Variants in FAM117A observed in about 807,000 individuals in gnomAD.
FAM117A encodes the protein family with sequence similarity 117 member A, also known as protein FAM117A.
FAM117A carries 21 observed loss-of-function variants against 44.1 expected under a neutral mutation model. The observed-to-expected ratio is 0.48, with a 90% CI of 0.34 to 0.69. FAM117A has a LOEUF of 0.69. Ranked by LOEUF, FAM117A falls within the 30% of genes least tolerant of loss-of-function variation. FAM117A has a pLI of 0.01. For missense variants in FAM117A, 498 were observed against 589.9 expected (o/e 0.84, Z 1.61); for synonymous variants, 220 against 238.3 (o/e 0.92, Z 0.71).
intron 1 of FAM117A, among the ~76,000 whole-genome samples, chr17:49,737,310 A>G (rs2073614749): frequency 6.6e-6 from 1 of 152,224 alleles, no homozygotes; most frequent in African/African-American, 2.4e-5. Context: ...GACCCACATC[A>G]GCAGCCAGCT....
At chr17:49,716,956 A>G (rs2073507133) in intron 6 of FAM117A, among the ~76,000 whole-genome samples, 1 of 152,202 alleles carries the variant, frequency 6.6e-6, no homozygotes, top group Admixed American at 6.5e-5. Flanking sequence ...CAATCAAATC[A>G]GACAACATAG....
At chr17:49,765,846 T>G (rs1567837526), upstream of FAM117A, 1 of 152,204 alleles carries the variant, frequency 6.6e-6, no homozygotes, top group Non-Finnish European at 1.5e-5. Flanking sequence ...AAAGTCTTCA[T>G]GTACTTTTAA....
chr17:49,734,460 C>T (rs938451602), intron 1 of FAM117A, among the ~76,000 whole-genome samples: 1 of 151,426 alleles, frequency 6.6e-6, no homozygotes, highest in African/African-American at 2.4e-5. Flanking sequence ...GGCTTGGTGG[C>T]GAGTGCCTGT....
chr17:49,788,614 G>GT, upstream of FAM117A: 1 of 486,382 alleles, frequency 2.1e-6, no homozygotes, highest in South Asian at 3.0e-5. Flanking sequence ...TCTCTGGCCC[G>GT]TAACGTCAGG....
upstream of FAM117A, chr17:49,764,269 G>T: frequency 2.8e-6 from 1 of 363,318 alleles, no homozygotes; most frequent in Non-Finnish European, 4.9e-6. Flanking sequence ...TCCCTTTCCT[G>T]AGGATGATTG....
chr17:49,772,412 C>T (rs2073763632), intron 1 of FAM117A, among the ~76,000 whole-genome samples: 1 of 151,934 alleles, frequency 6.6e-6, no homozygotes, highest in African/African-American at 2.4e-5. Context: ...TCAAGACCAG[C>T]CTGGCCAACA....
intron 1 of FAM117A, among the ~76,000 whole-genome samples, chr17:49,758,622 A>C (rs2073708394): frequency 1.2e-5 from 1 of 82,860 alleles, no homozygotes. Context: ...AGACTGTCTC[A>C]AAAAAAAAAA....
intron 1 of FAM117A, among the ~76,000 whole-genome samples, chr17:49,734,869 G>A (rs2073603712): frequency 6.6e-6 from 1 of 152,186 alleles, no homozygotes; most frequent in Non-Finnish European, 1.5e-5. Context: ...AGGCAATTCT[G>A]ACACACACTC....
intron 1 of FAM117A, among the ~76,000 whole-genome samples, chr17:49,752,792 GTATT>G (rs2073682591): frequency 6.6e-6 from 1 of 151,920 alleles, no homozygotes. Context: ...CACCAAGTGA[GTATT>G]TATGGTGTGG....
intron 2 of FAM117A, among the ~76,000 whole-genome samples, chr17:49,730,230 G>A (rs1245058657): frequency 6.6e-6 from 1 of 152,202 alleles, no homozygotes; most frequent in Non-Finnish European, 1.5e-5. Context: ...AGAGTTCCTC[G>A]AGGGCTGGAG....
intron 1 of FAM117A, among the ~76,000 whole-genome samples, chr17:49,770,373 T>G (rs1452961822): frequency 5.4e-5 from 8 of 148,236 alleles, no homozygotes; most frequent in African/African-American, 2.0e-4. Flanking sequence ...CTTGAAAAAA[T>G]TATGCTAAAT....
Position 49,711,384 on chromosome 17 carries a change from C to G in FAM117A, c.1233G>C (p.Pro411=). The G allele has an allele frequency of 6.2e-7, 1 of 1,611,556 alleles. No individual in the cohort carries two copies. The highest frequency in any genetic ancestry group is 8.5e-7 in the Non-Finnish European group (1 of 1,178,904). Residue 411 remains proline, a synonymous_variant, in exon 8 of 8, where the codon CCG becomes CCC. Coordinates refer to ENST00000240364, the MANE Select transcript of FAM117A (RefSeq NM_030802.4). ...TCCGAGGTGGTGGCCTGGGGCTGGC[C>G]GGGGGAAGGGGAGATCCCGGGTTTG... ...CPSNPGSPLP[P]ASPRPPPRKD...
chr17:49,755,043 A>G (rs995431444), intron 1 of FAM117A, among the ~76,000 whole-genome samples: 3 of 151,294 alleles, frequency 2.0e-5, no homozygotes, highest in African/African-American at 7.3e-5. Context: ...CGTCTCAAAA[A>G]AAAAAAAAAA....
intron 2 of FAM117A, among the ~76,000 whole-genome samples, chr17:49,725,270 G>T (rs1485884437): frequency 6.6e-6 from 1 of 152,224 alleles, no homozygotes; most frequent in Non-Finnish European, 1.5e-5. Context: ...CCTCCTTGCA[G>T]ATGGGCTCTG....
chr17:49,713,220 C>T (rs2073486614), intron 7 of FAM117A, among the ~76,000 whole-genome samples: 1 of 152,084 alleles, frequency 6.6e-6, no homozygotes, highest in Non-Finnish European at 1.5e-5. Flanking sequence ...AGGAATCATC[C>T]TTCCTCTTTT....
intron 1 of FAM117A, among the ~76,000 whole-genome samples, chr17:49,769,880 G>T (rs1303633321): frequency 3.3e-5 from 5 of 152,070 alleles, no homozygotes; most frequent in African/African-American, 1.2e-4. Context: ...CCAGACAAGG[G>T]GAGGACTTGT....
chr17:49,778,751 A>G (rs1234771135), intron 1 of FAM117A, among the ~76,000 whole-genome samples: 2 of 152,236 alleles, frequency 1.3e-5, no homozygotes. Flanking sequence ...TGAGAATGCA[A>G]TGGTAAGTAA....
chr17:49,730,000 G>T, intron 2 of FAM117A, among the ~76,000 whole-genome samples: 1 of 152,162 alleles, frequency 6.6e-6, no homozygotes, highest in Non-Finnish European at 1.5e-5. Context: ...TGTCAGGTGA[G>T]CCTCAGACCT....
Position 49,719,907 on chromosome 17 carries a change from C to A in FAM117A, c.574-13G>T. 6.3e-7 allele frequency: 1 copy of A among 1,596,270 alleles called. No individual in the cohort carries two copies. The highest frequency in any genetic ancestry group is 8.5e-7 in the Non-Finnish European group (1 of 1,176,186). ...TGGGAGGGGACGCCTGAGGAAGAGG[C>A]AAATGACAAAATCACACACAGCCCC... On this transcript the variant is annotated splice_polypyrimidine_tract_variant and intron_variant, in intron 4 of 7. Transcript: ENST00000240364.
Sources: allele counts gnomAD v4.1 joint callset (sites outside exome capture counted in the v4.1 genomes callset), GRCh38; gene constraint gnomAD v4.1.1; transcripts MANE v1.5; gene names NCBI Gene and HGNC (gene_info 2026-07-23, HGNC 2026-07-21).